The following ADGRD1 variants were observed in gnomAD, a reference collection of about 807,000 sequenced individuals.
ADGRD1 encodes G-protein coupled receptor 133.
In ADGRD1, 77 loss-of-function variants were observed where a neutral mutation model predicts 113.4. The observed-to-expected ratio is 0.68, with a 90% confidence interval of 0.57 to 0.82. The LOEUF is 0.82. Among genes scored for constraint, ADGRD1 ranks in the 40% least tolerant of loss-of-function variants. The pLI, the probability that ADGRD1 is intolerant of heterozygous loss-of-function variation, is 0.00. For synonymous variants in ADGRD1, 474 were observed against 475.0 expected (o/e 1.00, Z 0.03); for missense variants, 1,036 against 1,139.1 (o/e 0.91, Z 1.30).
At chr12:131,028,443 C>T (rs1394970715) in intron 13 of ADGRD1, among the ~76,000 whole-genome samples, 1 of 152,054 alleles carries the variant, frequency 6.6e-6, no homozygotes, top group Non-Finnish European at 1.5e-5. Context: ...CAGTTTTCAA[C>T]GTCAGTGCAG....
intron 5 of ADGRD1, among the ~76,000 whole-genome samples, chr12:130,983,820 A>T (rs546654820): frequency 6.6e-6 from 1 of 152,278 alleles, no homozygotes; most frequent in Non-Finnish European, 1.5e-5. Flanking sequence ...TGTGTCCTTT[A>T]AAAGGGCTGC....
At chr12:131,130,054 C>T (rs9669002) in intron 20 of ADGRD1, among the ~76,000 whole-genome samples, 15,589 of 152,306 alleles carry the variant, frequency 0.1, 846 homozygotes, top group African/African-American at 0.14. Flanking sequence ...ATTTGAAAAC[C>T]ACTGACCTGT....
chr12:131,105,890 C>T, intron 17 of ADGRD1, 25 bp downstream of exon 17: 1 of 1,530,452 alleles, frequency 6.5e-7, no homozygotes, highest in Non-Finnish European at 8.9e-7. Context: ...CTCCGTGTTC[C>T]TGCGCTGTCC....
chr12:131,037,478 T>C (rs1334562336), intron 13 of ADGRD1, among the ~76,000 whole-genome samples: 450 of 128,816 alleles, frequency 3.5e-3, no homozygotes, highest in Middle Eastern at 0.014. Flanking sequence ...GCACCGGGCC[T>C]CACTCACTGC....
At chr12:131,068,430 G>A (rs1884896214) in intron 13 of ADGRD1, among the ~76,000 whole-genome samples, 1 of 152,172 alleles carries the variant, frequency 6.6e-6, no homozygotes, top group African/African-American at 2.4e-5. Flanking sequence ...GGGCGGGGAG[G>A]GAAGGCGTGG....
intron 17 of ADGRD1, 116 bp downstream of exon 17, chr12:131,105,981 A>G (rs1950228977): frequency 1.4e-6 from 1 of 725,052 alleles, no homozygotes; most frequent in African/African-American, 1.7e-5. Context: ...ATCTCCCCAG[A>G]CAACCAGGGC....
chr12:131,004,414 C>A, intron 11 of ADGRD1, 118 bp downstream of exon 11: 1 of 785,064 alleles, frequency 1.3e-6, no homozygotes. Flanking sequence ...CCCCGGGCCG[C>A]CTGCGGTGCT....
At chr12:130,959,415 T>A (rs192228736) in intron 2 of ADGRD1, among the ~76,000 whole-genome samples, 2 of 152,018 alleles carry the variant, frequency 1.3e-5, no homozygotes, top group South Asian at 4.2e-4. Flanking sequence ...TTATAAAAAA[T>A]AAACATTCAG....
At chr12:131,007,700 G>A (rs569792284) in intron 12 of ADGRD1, among the ~76,000 whole-genome samples, 7 of 152,334 alleles carry the variant, frequency 4.6e-5, no homozygotes, top group South Asian at 2.1e-4. Context: ...TCCCTGGTTC[G>A]TCAGCATTGA....
chr12:130,976,557 G>A (rs758024395), intron 4 of ADGRD1, among the ~76,000 whole-genome samples: 17 of 152,150 alleles, frequency 1.1e-4, no homozygotes, highest in Non-Finnish European at 1.0e-4. Context: ...CCCGGAATCC[G>A]CGGCTGACTA....
chr12:130,990,697 C>A, intron 6 of ADGRD1: 1 of 246,046 alleles, frequency 4.1e-6, no homozygotes, highest in Non-Finnish European at 7.9e-6. Context: ...AAATCTATTT[C>A]TTTTGGTTCT....
chr12:131,017,856 AC>A (rs1878809426), intron 13 of ADGRD1, among the ~76,000 whole-genome samples: 1 of 146,634 alleles, frequency 6.8e-6, no homozygotes, highest in Admixed American at 6.8e-5. Flanking sequence ...CACACCCAGC[AC>A]AGGCACACAC....
chr12:131,080,081 TTTA>T (rs1363228821), intron 14 of ADGRD1, among the ~76,000 whole-genome samples: 1 of 152,212 alleles, frequency 6.6e-6, no homozygotes, highest in Admixed American at 6.5e-5. Context: ...ACTATGAAGC[TTTA>T]TTATTTTCTA....
chr12:131,129,127 G>C (rs1347732632), intron 20 of ADGRD1, among the ~76,000 whole-genome samples: 1 of 141,948 alleles, frequency 7.0e-6, no homozygotes, highest in Non-Finnish European at 1.5e-5. Flanking sequence ...CGGCCCTGCT[G>C]TCTGGGTGTG....
At position 131,108,762 on chromosome 12, in the gene ADGRD1, C is replaced by T; in HGVS notation, c.1926C>T (p.Phe642=). 1 of 1,614,154 alleles carries T rather than the reference C, an allele frequency of 6.2e-7. No individual in the cohort carries two copies. Among genetic ancestry groups the T allele is most frequent in the African/African-American group, 1.3e-5 (1 of 75,032 alleles). ...CQVMAVLLHY[F]FLSAFAWMLV... is the part of the protein sequence containing the mutation. ...TGATGGCCGTGCTCCTACACTACTT[C>T]TTCCTGAGTGCCTTCGCATGGATGC... The change falls in exon 18 of 25, where the codon TTC becomes TTT. Residue 642 remains phenylalanine, a synonymous_variant. Transcript: ENST00000261654.
At chr12:131,123,987 G>A (rs932635614) in intron 20 of ADGRD1, among the ~76,000 whole-genome samples, 3 of 152,208 alleles carry the variant, frequency 2.0e-5, no homozygotes, top group Admixed American at 6.5e-5. Flanking sequence ...CAGCTGAGCC[G>A]AATAGTTGCA....
intron 13 of ADGRD1, among the ~76,000 whole-genome samples, chr12:131,068,303 T>C (rs917709383): frequency 6.6e-6 from 1 of 152,196 alleles, no homozygotes; most frequent in East Asian, 1.9e-4. Context: ...GGCGCTGGAA[T>C]GGTCAACTCT....
chr12:131,130,002 T>C (rs1950872048), intron 20 of ADGRD1, among the ~76,000 whole-genome samples: 1 of 152,252 alleles, frequency 6.6e-6, no homozygotes, highest in African/African-American at 2.4e-5. Flanking sequence ...TAACTGCACA[T>C]TAGTCACGCG....
chr12:131,132,441 G>T (rs1950958344), intron 21 of ADGRD1, among the ~76,000 whole-genome samples: 1 of 152,216 alleles, frequency 6.6e-6, no homozygotes, highest in South Asian at 2.1e-4. Flanking sequence ...ACTGGCCTAA[G>T]CAGAAGGGGG....
Sources: gnomAD v4.1 joint callset for allele counts (sites outside exome capture counted in the v4.1 genomes callset) on GRCh38, gnomAD v4.1.1 for gene constraint, MANE v1.5 for transcripts, NCBI Gene and HGNC (gene_info 2026-07-23, HGNC 2026-07-21) for gene names.